ADGRD1: variants seen among roughly 807,000 people sequenced by gnomAD.
ADGRD1 encodes adhesion G protein-coupled receptor D1.
Under a neutral mutation model 113.4 loss-of-function variants are expected in ADGRD1, and 77 were observed. The observed-to-expected ratio is 0.68, with a 90% CI of 0.57 to 0.82. ADGRD1 has a LOEUF of 0.82. Ranked by LOEUF, ADGRD1 falls within the 40% of genes least tolerant of loss-of-function variation. The pLI, the probability that ADGRD1 is intolerant of heterozygous loss-of-function variation, is 0.00. For synonymous variants in ADGRD1, 474 were observed against 475.0 expected (o/e 1.00, Z 0.03); for missense variants, 1,036 against 1,139.1 (o/e 0.91, Z 1.30).
intron 14 of ADGRD1, among the ~76,000 whole-genome samples, chr12:131,078,389 G>A (rs1010420415): frequency 2.0e-5 from 3 of 152,230 alleles, no homozygotes; most frequent in South Asian, 2.1e-4. Flanking sequence ...CCTCTGCAAT[G>A]TGGATTGATG....
chr12:131,103,512 C>A (rs1015929800), intron 15 of ADGRD1, among the ~76,000 whole-genome samples: 2 of 152,262 alleles, frequency 1.3e-5, no homozygotes, highest in African/African-American at 4.8e-5. Context: ...GCGGTGCTTG[C>A]TGAGTGTTCG....
intron 17 of ADGRD1, among the ~76,000 whole-genome samples, chr12:131,106,080 G>T (rs920058890): frequency 6.6e-6 from 1 of 152,114 alleles, no homozygotes; most frequent in Non-Finnish European, 1.5e-5. Context: ...TGCCGCTGCC[G>T]CCACCCACTC....
intron 4 of ADGRD1, among the ~76,000 whole-genome samples, chr12:130,973,841 GT>G (rs1239385096): frequency 6.6e-6 from 1 of 152,114 alleles, no homozygotes; most frequent in Non-Finnish European, 1.5e-5. Context: ...TAATCCCAGT[GT>G]TTTGGGAGGC....
chr12:130,996,670 C>A lies in ADGRD1; in HGVS notation c.967-3713C>A, dbSNP rs1875439097. On this transcript the variant is annotated intron_variant, in intron 8 of 24. Coordinates refer to ENST00000261654, the MANE Select transcript of ADGRD1 (RefSeq NM_198827.5). ...GCCGGGCGGGGGGCTGACCCCCCCA[C>A]CTCCCTCCCAGACGGGGCGGCTGGC... Among the ~76,000 whole-genome samples, 2 of 102,880 alleles carry A rather than the reference C, an allele frequency of 1.9e-5. 1 individual carries two copies. The highest frequency in any genetic ancestry group is 4.3e-5 in the Non-Finnish European group (2 of 46,502). The allele number at this position is 102,880 out of a possible 152,430, so 67.5% of individuals were successfully genotyped here.
intron 9 of ADGRD1, chr12:131,002,425 A>G (rs1024639688): frequency 5.4e-6 from 4 of 744,626 alleles, no homozygotes; most frequent in African/African-American, 3.8e-5. Flanking sequence ...TTCTATTTCC[A>G]GCTCATGAGG....
intron 13 of ADGRD1, among the ~76,000 whole-genome samples, chr12:131,072,155 G>A (rs955626534): frequency 2.6e-5 from 4 of 151,322 alleles, no homozygotes; most frequent in Admixed American, 6.6e-5. Context: ...TGCACAAACC[G>A]AGCGTGAGAA....
intron 12 of ADGRD1, among the ~76,000 whole-genome samples, chr12:131,009,270 G>A (rs1877569152): frequency 6.6e-6 from 1 of 152,264 alleles, no homozygotes; most frequent in Non-Finnish European, 1.5e-5. Context: ...CGAGGAAGCA[G>A]TCAGACACAC....
intron 13 of ADGRD1, chr12:131,069,509 C>T (rs1249689218): frequency 6.6e-6 from 1 of 152,388 alleles, no homozygotes; most frequent in Non-Finnish European, 1.5e-5. Flanking sequence ...AGAGCAGGAC[C>T]AGGCGCAGGG....
Position 131,015,498 on chromosome 12 carries a change from G to A in ADGRD1, c.1473+1158G>A, listed in dbSNP as rs553809164. On this transcript the variant is annotated intron_variant, in intron 13 of 24. Coordinates refer to ENST00000261654, the MANE Select transcript of ADGRD1 (RefSeq NM_198827.5). ...AGAGATGGAAATGGAGATGGAGAGG[G>A]GACTGGAGATGATGGAGATAGAGAT... is the stretch of plus-strand genomic sequence containing the variant. Among the ~76,000 whole-genome samples the A allele has an allele frequency of 2.0e-5, 3 of 150,918 alleles. No homozygotes were observed. In the East Asian group the frequency reaches 5.9e-4, roughly 29 times the overall value.
intron 14 of ADGRD1, among the ~76,000 whole-genome samples, chr12:131,081,647 A>G (rs1177890240): frequency 6.6e-6 from 1 of 152,170 alleles, no homozygotes; most frequent in African/African-American, 2.4e-5. Context: ...AACGCAATGC[A>G]TTGCTAGTAT....
At chr12:131,108,957 A>G in intron 18 of ADGRD1, 80 bp downstream of exon 18, 1 of 408,464 alleles carries the variant, frequency 2.4e-6, no homozygotes, top group Non-Finnish European at 4.0e-6. Flanking sequence ...GTAGGACAGG[A>G]TGAGACAGGT....
intron 13 of ADGRD1, among the ~76,000 whole-genome samples, chr12:131,043,143 A>G (rs534860319): frequency 3.3e-5 from 5 of 152,296 alleles, no homozygotes; most frequent in Non-Finnish European, 7.4e-5. Flanking sequence ...TGGGAGCGAG[A>G]CAGGCCAGGG....
chr12:131,115,089 G>GA (rs1264985385), intron 18 of ADGRD1, among the ~76,000 whole-genome samples: 1 of 152,164 alleles, frequency 6.6e-6, no homozygotes, highest in African/African-American at 2.4e-5. Flanking sequence ...ATGATCACAG[G>GA]AGGGGGATCC....
chr12:131,101,252 G>A (rs1252223447), intron 15 of ADGRD1, among the ~76,000 whole-genome samples: 2 of 152,048 alleles, frequency 1.3e-5, no homozygotes, highest in African/African-American at 4.8e-5. Flanking sequence ...GCATCTCTTG[G>A]GGGGCTTCCC....
chr12:131,053,687 G>A (rs1328721450), intron 13 of ADGRD1, among the ~76,000 whole-genome samples: 1 of 152,178 alleles, frequency 6.6e-6, no homozygotes, highest in Non-Finnish European at 1.5e-5. Context: ...AAAGTGGGAG[G>A]GCGGTAGTGT....
Position 131,136,102 on chromosome 12 carries a change from T to C in ADGRD1, c.2333T>C (p.Leu778Pro). The C allele has an allele frequency of 6.2e-7, 1 of 1,614,232 alleles. No individual in the cohort carries two copies. The change falls in exon 22 of 25, where the codon CTT becomes CCT. Residue 778 changes from leucine to proline, a missense_variant. By Grantham distance (98) the Leu-to-Pro change is moderately conservative. Coordinates refer to ENST00000261654, the MANE Select transcript of ADGRD1 (RefSeq NM_198827.5). ...GGTACCTCGTGGGTCTTTGGCGTGCTTGCTGTCAACGGTTGTGCTGTGGTT... is the reference window on the plus strand; with the variant it reads ...GGTACCTCGTGGGTCTTTGGCGTGCCTGCTGTCAACGGTTGTGCTGTGGTT... Reference protein sequence around the residue: ...ILGTSWVFGVLAVNGCAVVFQ... With the variant: ...ILGTSWVFGVPAVNGCAVVFQ...
intron 13 of ADGRD1, among the ~76,000 whole-genome samples, chr12:131,031,113 G>A (rs540515393): frequency 6.6e-6 from 1 of 152,290 alleles, no homozygotes; most frequent in South Asian, 2.1e-4. Flanking sequence ...GGGGAGCCAG[G>A]GGCTGGGCGG....
At chr12:131,074,586 A>G (rs1174637760) in intron 13 of ADGRD1, among the ~76,000 whole-genome samples, 2 of 152,176 alleles carry the variant, frequency 1.3e-5, no homozygotes, top group African/African-American at 4.8e-5. Context: ...CAGATGACTT[A>G]CATTCTGGCA....
At chr12:131,078,751 A>T (rs1190182970) in intron 14 of ADGRD1, among the ~76,000 whole-genome samples, 1 of 152,064 alleles carries the variant, frequency 6.6e-6, no homozygotes, top group Admixed American at 6.6e-5. Flanking sequence ...ATGTTAACGA[A>T]CCCTCCACCT....
Sources: gnomAD v4.1 joint callset for allele counts (sites outside exome capture counted in the v4.1 genomes callset) on GRCh38, gnomAD v4.1.1 for gene constraint, MANE v1.5 for transcripts, NCBI Gene and HGNC (gene_info 2026-07-23, HGNC 2026-07-21) for gene names.